Variants in QTMAN observed in about 807,000 individuals in gnomAD.
The protein encoded by QTMAN is queuosine-tRNA mannosyltransferase.
chr2:144,237,163 A>G, the QTMAN span: 1 of 152,168 alleles, frequency 6.6e-6, no homozygotes, highest in Non-Finnish European at 1.5e-5. Flanking sequence ...GTATATCAGC[A>G]ATATTTCAAT....
the QTMAN span, among the ~76,000 whole-genome samples, chr2:143,999,389 C>A: frequency 6.6e-6 from 1 of 150,846 alleles, no homozygotes; most frequent in African/African-American, 2.4e-5. Flanking sequence ...GCAGGTAACA[C>A]CACACATTAA....
At chr2:143,980,586 A>C in the QTMAN span, among the ~76,000 whole-genome samples, 1 of 152,162 alleles carries the variant, frequency 6.6e-6, no homozygotes, top group Non-Finnish European at 1.5e-5. Context: ...TAATCAGATG[A>C]ATATAGAGAA....
the QTMAN span, among the ~76,000 whole-genome samples, chr2:144,179,651 T>C: frequency 6.6e-6 from 1 of 152,114 alleles, no homozygotes; most frequent in African/African-American, 2.4e-5. Flanking sequence ...AAAGGTGAAG[T>C]AGTCCTGATG....
the QTMAN span, among the ~76,000 whole-genome samples, chr2:144,307,475 C>T: frequency 6.6e-6 from 1 of 152,188 alleles, no homozygotes; most frequent in Admixed American, 6.5e-5. Flanking sequence ...AAACAGTGTC[C>T]TACTCTGTGC....
chr2:143,943,105 A>G, the QTMAN span: 11 of 151,998 alleles, frequency 7.2e-5, no homozygotes, highest in Non-Finnish European at 1.5e-4. Flanking sequence ...TGACATAACC[A>G]TTATTGTAAG....
the QTMAN span, among the ~76,000 whole-genome samples, chr2:144,197,055 A>G: frequency 8.7e-4 from 132 of 152,290 alleles, no homozygotes; most frequent in African/African-American, 2.6e-3. Context: ...AAATCTAGAC[A>G]GTATAGCCTA....
the QTMAN span, among the ~76,000 whole-genome samples, chr2:144,138,258 G>C: frequency 1.3e-5 from 2 of 152,052 alleles, no homozygotes; most frequent in Non-Finnish European, 2.9e-5. Flanking sequence ...ACAGGATTTA[G>C]AGGCAGTGGT....
the QTMAN span, among the ~76,000 whole-genome samples, chr2:144,116,284 T>C: frequency 1.0e-4 from 11 of 106,990 alleles, no homozygotes; most frequent in African/African-American, 4.0e-4. Context: ...ATGAGATTTT[T>C]ATGTGTGTGT....
the QTMAN span, among the ~76,000 whole-genome samples, chr2:143,988,368 A>G: frequency 4.6e-5 from 7 of 152,230 alleles, no homozygotes; most frequent in East Asian, 3.9e-4. Flanking sequence ...AGAATCAGGC[A>G]GGGCAATATT....
the QTMAN span, chr2:144,005,786 C>T: frequency 8.3e-4 from 126 of 152,096 alleles, 1 homozygote; most frequent in African/African-American, 2.9e-3. Context: ...ATTAACATAG[C>T]TCTGTCTTAT....
chr2:144,176,921 G>A, the QTMAN span, among the ~76,000 whole-genome samples: 4 of 152,272 alleles, frequency 2.6e-5, no homozygotes, highest in African/African-American at 9.6e-5. Flanking sequence ...TATACAGGAA[G>A]CATGGCTGGG....
chr2:144,242,410 T>C, the QTMAN span, among the ~76,000 whole-genome samples: 5 of 152,258 alleles, frequency 3.3e-5, no homozygotes, highest in East Asian at 7.7e-4. Flanking sequence ...CATTACATAA[T>C]ATTTTCAATC....
chr2:144,095,754 A>C, the QTMAN span, among the ~76,000 whole-genome samples: 3 of 152,110 alleles, frequency 2.0e-5, no homozygotes, highest in South Asian at 6.2e-4. Context: ...TATGAAATCA[A>C]TCTATTGCTC....
the QTMAN span, among the ~76,000 whole-genome samples, chr2:144,166,299 G>C: frequency 6.6e-6 from 1 of 152,078 alleles, no homozygotes; most frequent in African/African-American, 2.4e-5. Context: ...TTTAAGAATC[G>C]GTTGTCATTA....
the QTMAN span, among the ~76,000 whole-genome samples, chr2:144,310,768 G>A: frequency 1.3e-5 from 2 of 152,214 alleles, no homozygotes; most frequent in Admixed American, 6.5e-5. Flanking sequence ...CTTAGATGGC[G>A]AAGATTAAAG....
At chr2:143,980,097 G>T in the QTMAN span, among the ~76,000 whole-genome samples, 1 of 151,928 alleles carries the variant, frequency 6.6e-6, no homozygotes, top group African/African-American at 2.4e-5. Flanking sequence ...TTAACGTGTT[G>T]CCATGGTGTT....
At chr2:144,017,794 C>A in the QTMAN span, among the ~76,000 whole-genome samples, 1 of 152,130 alleles carries the variant, frequency 6.6e-6, no homozygotes, top group African/African-American at 2.4e-5. Context: ...AAACATTCAA[C>A]ATTCTAAAAA....
the QTMAN span, among the ~76,000 whole-genome samples, chr2:144,030,887 C>T: frequency 1.3e-5 from 2 of 152,198 alleles, no homozygotes; most frequent in South Asian, 2.1e-4. Flanking sequence ...GAAAAGAAAC[C>T]TCATGGAACT....
At chr2:144,228,602 T>C in the QTMAN span, among the ~76,000 whole-genome samples, 1 of 152,180 alleles carries the variant, frequency 6.6e-6, no homozygotes, top group African/African-American at 2.4e-5. Context: ...GGGAGGGATC[T>C]AATTTGTGTG....
Sources: gnomAD v4.1 joint callset for allele counts (sites outside exome capture counted in the v4.1 genomes callset) on GRCh38, gnomAD v4.1.1 for gene constraint, MANE v1.5 for transcripts, NCBI Gene and HGNC (gene_info 2026-07-23, HGNC 2026-07-21) for gene names.